EML6: variants seen among roughly 807,000 people sequenced by gnomAD.
EML6 encodes EMAP like 6, also known as echinoderm microtubule-associated protein-like 6.
In EML6, 154 loss-of-function variants were observed where a neutral mutation model predicts 240.1. The observed-to-expected ratio is 0.64, with a 90% confidence interval of 0.56 to 0.73. The LOEUF is 0.73. Ranked by LOEUF, EML6 falls within the 30% of genes least tolerant of loss-of-function variation. The probability of loss-of-function intolerance (pLI) is 0.00; values close to 1 mark genes in which losing one functional copy is unlikely to be tolerated. For synonymous variants in EML6, 1,148 were observed against 899.0 expected, an observed-to-expected ratio of 1.28 and a Z score of -4.95; for missense variants, 2,964 against 2,474.6, an observed-to-expected ratio of 1.20 and a Z score of -4.20.
At chr2:54,953,961 T>C (rs898826876) in intron 31 of EML6, 22 bp from the exon 32 acceptor site, 1 of 1,537,218 alleles carries the variant, frequency 6.5e-7, no homozygotes, top group Non-Finnish European at 8.8e-7. Context: ...CTTACTTCTT[T>C]GTCATGCCTC....
intron 28 of EML6, among the ~76,000 whole-genome samples, chr2:54,945,138 T>A (rs1373698951): frequency 3.4e-5 from 3 of 88,424 alleles, no homozygotes; most frequent in African/African-American, 1.4e-4. Context: ...CATTCCTCCC[T>A]CCCTCATCCC....
At chr2:54,871,251 C>T (rs935581869) in intron 15 of EML6, among the ~76,000 whole-genome samples, 1 of 152,184 alleles carries the variant, frequency 6.6e-6, no homozygotes, top group Non-Finnish European at 1.5e-5. Context: ...TTGAATTAGC[C>T]TTAAAGGCCC....
chr2:54,907,199 A>G (rs192311011), intron 24 of EML6, among the ~76,000 whole-genome samples: 3 of 152,374 alleles, frequency 2.0e-5, no homozygotes, highest in East Asian at 1.9e-4. Flanking sequence ...ATATCAGGCT[A>G]TAACATCCTT....
chr2:54,855,428 C>G (rs112601588), intron 11 of EML6, among the ~76,000 whole-genome samples: 1 of 151,184 alleles, frequency 6.6e-6, no homozygotes, highest in Admixed American at 6.6e-5. Context: ...ATGAGAAATT[C>G]ACCCCCATAA....
At chr2:54,938,764 G>A (rs1036015609) in intron 28 of EML6, among the ~76,000 whole-genome samples, 7 of 152,176 alleles carry the variant, frequency 4.6e-5, no homozygotes, top group South Asian at 2.1e-4. Flanking sequence ...GCACCTGTTC[G>A]GATCTCTGAG....
chr2:54,928,529 T>C lies in EML6; in HGVS notation c.3877+15T>C. ...AGAGGATGGAGGTGAGCCCCCCACCTGCCACATGCCTCCTGCGCCGAATGC... is the reference window on the plus strand; with the variant it reads ...AGAGGATGGAGGTGAGCCCCCCACCCGCCACATGCCTCCTGCGCCGAATGC... On this transcript the variant is annotated intron_variant, in intron 27 of 41. Coordinates refer to ENST00000356458, the MANE Select transcript of EML6 (RefSeq NM_001039753.4). 6.5e-7 allele frequency: 1 copy of C among 1,545,018 alleles called. No individual in the cohort carries two copies. The highest frequency in any genetic ancestry group is 8.8e-7 in the Non-Finnish European group (1 of 1,142,234).
intron 28 of EML6, among the ~76,000 whole-genome samples, chr2:54,945,603 C>G (rs1352317527): frequency 6.6e-6 from 1 of 152,152 alleles, no homozygotes; most frequent in Non-Finnish European, 1.5e-5. Context: ...TGGGTTGCAA[C>G]TGACTCGTGA....
chr2:54,872,193 C>A (rs1671292025), intron 16 of EML6, among the ~76,000 whole-genome samples: 1 of 152,016 alleles, frequency 6.6e-6, no homozygotes, highest in South Asian at 2.1e-4. Flanking sequence ...AAGTTAAGTT[C>A]CTTTAGAGTG....
rs1311863897 is a variant in EML6, at chr2:54,827,762, C to T, written c.711+11C>T. ...CAAGGAGCACATAGTGTAAGTATTA[C>T]CTTGTGGAAATCTGTGGGTGACCTA... On this transcript the variant is annotated intron_variant, in intron 6 of 41. Coordinates refer to ENST00000356458, the MANE Select transcript of EML6 (RefSeq NM_001039753.4). The T allele has an allele frequency of 1.3e-6, 2 of 1,542,006 alleles. No homozygotes were observed. The highest frequency in any genetic ancestry group is 1.4e-5 in the African/African-American group (1 of 72,950).
intron 7 of EML6, among the ~76,000 whole-genome samples, chr2:54,836,196 T>G (rs1669133266): frequency 6.6e-6 from 1 of 152,134 alleles, no homozygotes; most frequent in Non-Finnish European, 1.5e-5. Context: ...TGTGACATGG[T>G]GTCAGAGGGC....
At position 54,971,381 on chromosome 2, in the gene EML6, G is replaced by C. The variant is rs1015897596; in HGVS notation, c.*1286G>C. ...GACAGTGCTCACTGAAAGGAGAGTT[G>C]GTGCGGGACTGGTGGTTCTGAGCAC... On this transcript the variant is annotated 3_prime_UTR_variant, in exon 42 of 42. Transcript: ENST00000356458. 1.3e-5 allele frequency: 2 copies of C among 152,182 alleles called. No individual in the cohort carries two copies. The highest frequency in any genetic ancestry group is 4.8e-5 in the African/African-American group (2 of 41,436). 9.4% of individuals were successfully genotyped at this position (152,182 alleles called of 1,614,324 possible).
chr2:54,744,796 G>C (rs1487499281), intron 2 of EML6, among the ~76,000 whole-genome samples: 4 of 151,978 alleles, frequency 2.6e-5, no homozygotes, highest in Admixed American at 2.6e-4. Context: ...TTTAACTATG[G>C]ACATTAGAAG....
intron 29 of EML6, among the ~76,000 whole-genome samples, chr2:54,949,942 C>T (rs905288120): frequency 6.6e-6 from 1 of 152,204 alleles, no homozygotes; most frequent in African/African-American, 2.4e-5. Flanking sequence ...TCTGTAGAGT[C>T]TTTCCTGATG....
At chr2:54,856,585 T>C (rs1573011543) in intron 11 of EML6, among the ~76,000 whole-genome samples, 1 of 152,184 alleles carries the variant, frequency 6.6e-6, no homozygotes, top group African/African-American at 2.4e-5. Flanking sequence ...GAGGGGCTGG[T>C]GCTGGCCTTC....
At chr2:54,924,945 T>G (rs1419727942) in intron 26 of EML6, among the ~76,000 whole-genome samples, 1 of 152,202 alleles carries the variant, frequency 6.6e-6, no homozygotes, top group Non-Finnish European at 1.5e-5. Context: ...TATTTCCAGC[T>G]GTATAGTCAC....
rs555996661 is a variant in EML6, at chr2:54,816,298, C to T, written c.358-489C>T. ...ATTACTTCTACTTAGATTATATTAT[C>T]TTGTAGTCACCTTAAATGTTTGTGA... On this transcript the variant is annotated intron_variant, in intron 3 of 41. Transcript: ENST00000356458. Among the ~76,000 whole-genome samples the T allele has an allele frequency of 1.1e-4, 16 of 152,240 alleles. No individual in the cohort carries two copies. In the East Asian group the frequency reaches 3.1e-3, roughly 29 times the overall value.
chr2:54,797,173 A>AAAAAAAAAAAAAAAAAC (rs1669845386), intron 2 of EML6, among the ~76,000 whole-genome samples: 2 of 139,876 alleles, frequency 1.4e-5, no homozygotes, highest in East Asian at 2.0e-4. Context: ...TCAAAAAAAA[A>AAAAAAAAAAAAAAAAAC]AAAAAAAAAA....
At position 54,817,016 on chromosome 2, in the gene EML6, A is replaced by ATT. The variant is rs1225376330; in HGVS notation, c.456+132_456+133insTT. The stretch of plus-strand genomic sequence containing the variant: ...ATTTTTTCCTATTAAACTTATAATC[A>ATT]TCCTCTTTTTTCATGATTAATAGCT... On this transcript the variant is annotated intron_variant, in intron 4 of 41. Transcript: ENST00000356458. The ATT allele has an allele frequency of 8.3e-6, 5 of 605,688 alleles. No individual in the cohort carries two copies. In the African/African-American group the frequency reaches 9.2e-5, roughly 11 times the overall value. The allele number at this position is 605,688 out of a possible 1,614,324, so 37.5% of individuals were successfully genotyped here.
At chr2:54,953,368 C>T (rs1676075803) in intron 31 of EML6, among the ~76,000 whole-genome samples, 2 of 152,144 alleles carry the variant, frequency 1.3e-5, no homozygotes, top group Admixed American at 6.5e-5. Context: ...AAAATCATGT[C>T]ATTCTATCAT....
Sources: allele counts gnomAD v4.1 joint callset (sites outside exome capture counted in the v4.1 genomes callset), GRCh38; gene constraint gnomAD v4.1.1; transcripts MANE v1.5; gene names NCBI Gene and HGNC (gene_info 2026-07-23, HGNC 2026-07-21).